The following SNX6 variants were observed in gnomAD, a reference collection of about 807,000 sequenced individuals.
SNX6 encodes the protein sorting nexin-6.
Under a neutral mutation model 63.0 loss-of-function variants are expected in SNX6, and 34 were observed. The ratio of observed to expected loss-of-function variants is 0.54; its 90% CI spans 0.41 to 0.72. SNX6 has a LOEUF of 0.72. Among genes scored for constraint, SNX6 ranks in the 30% least tolerant of loss-of-function variants. SNX6 has a pLI of 0.00. For missense variants in SNX6, 398 were observed against 471.4 expected, an observed-to-expected ratio of 0.84 and a Z score of 1.44; for synonymous variants, 170 against 164.2, an observed-to-expected ratio of 1.04 and a Z score of -0.27.
intron 4 of SNX6, among the ~76,000 whole-genome samples, chr14:34,607,398 G>T (rs559545396): frequency 6.0e-4 from 91 of 152,100 alleles, no homozygotes; most frequent in African/African-American, 2.1e-3. Flanking sequence ...CCTGAGGTCA[G>T]GAGTTCGAGA....
chr14:34,564,503 C>A (rs1881080930), intron 13 of SNX6, among the ~76,000 whole-genome samples: 1 of 150,054 alleles, frequency 6.7e-6, no homozygotes, highest in Admixed American at 6.6e-5. Flanking sequence ...AATCTAAATA[C>A]AGAGAACTCA....
At chr14:34,626,992 G>T (rs11620787) in intron 2 of SNX6, among the ~76,000 whole-genome samples, 1 of 151,846 alleles carries the variant, frequency 6.6e-6, no homozygotes, top group Non-Finnish European at 1.5e-5. Context: ...GCTAGTTTCC[G>T]CTATTTTAAA....
chr14:34,566,369 C>T (rs149246262), intron 13 of SNX6, among the ~76,000 whole-genome samples: 107 of 152,278 alleles, frequency 7.0e-4, no homozygotes, highest in African/African-American at 2.5e-3. Context: ...CCCACCACCA[C>T]GCCCAGCTAA....
In SNX6 at chr14:34,606,317, C is replaced by T. The variant is rs947659260; in HGVS notation, c.271-600G>A. Among the ~76,000 whole-genome samples the T allele has an allele frequency of 7.3e-5, 11 of 150,548 alleles. No individual in the cohort carries two copies. The South Asian group carries it at 8.4e-4, about 11-fold the overall frequency. The stretch of plus-strand genomic sequence containing the variant: ...TGTATTTTTGGTAGAGACGGGGTTT[C>T]GCCATGTTGGCCAGGCTGGTCTTGA... On this transcript the variant is annotated intron_variant, in intron 4 of 13. Transcript: ENST00000362031.
intron 5 of SNX6, chr14:34,604,395 A>G (rs1222499449): frequency 1.3e-6 from 1 of 775,732 alleles, no homozygotes; most frequent in Non-Finnish European, 1.7e-6. Context: ...GTCTGCTATC[A>G]GACCGCTGCT....
At chr14:34,576,593 C>A (rs947732059) in intron 10 of SNX6, among the ~76,000 whole-genome samples, 1 of 151,614 alleles carries the variant, frequency 6.6e-6, no homozygotes, top group Non-Finnish European at 1.5e-5. Context: ...GAATTACAGG[C>A]ATGCACTGCC....
chr14:34,576,780 T>C (rs1274415629), intron 10 of SNX6, among the ~76,000 whole-genome samples: 1 of 151,880 alleles, frequency 6.6e-6, no homozygotes, highest in Non-Finnish European at 1.5e-5. Flanking sequence ...TATGATCTTT[T>C]ACCTTCATTA....
At chr14:34,623,632 G>A (rs1566495380) in intron 2 of SNX6, among the ~76,000 whole-genome samples, 2 of 152,094 alleles carry the variant, frequency 1.3e-5, no homozygotes, top group Admixed American at 6.6e-5. Context: ...ATGAAAGATG[G>A]GATAAACAAC....
chr14:34,624,090 T>C (rs955668344), intron 2 of SNX6, among the ~76,000 whole-genome samples: 4 of 149,732 alleles, frequency 2.7e-5, no homozygotes, highest in Admixed American at 1.4e-4. Flanking sequence ...TTTTTAAATT[T>C]CTCACAAAAC....
At position 34,567,843 on chromosome 14, in the gene SNX6, C is replaced by T. The variant is rs10149570; in HGVS notation, c.1081+11G>A. 1,444 of 1,613,716 alleles carry T rather than the reference C, an allele frequency of 8.9e-4. 11 individuals carry two copies. The African/African-American group carries it at 0.017, about 19-fold the overall frequency. On this transcript the variant is annotated intron_variant, in intron 12 of 13. Coordinates refer to ENST00000362031, the MANE Select transcript of SNX6 (RefSeq NM_152233.4). ...AGCATATCTTGTGATTAAAGGTTAACGTAACAGTACCTTGTTTTGCAGACT... is the reference window on the plus strand; with the variant it reads ...AGCATATCTTGTGATTAAAGGTTAATGTAACAGTACCTTGTTTTGCAGACT...
chr14:34,565,354 G>A (rs148940914), intron 13 of SNX6, among the ~76,000 whole-genome samples: 3,168 of 151,954 alleles, frequency 0.021, 102 homozygotes, highest in African/African-American at 0.068. Flanking sequence ...TGGGATTACA[G>A]GCGTGAGCCA....
chr14:34,591,227 T>C (rs966692370), intron 8 of SNX6, among the ~76,000 whole-genome samples: 1 of 48,430 alleles, frequency 2.1e-5, no homozygotes, highest in African/African-American at 5.0e-5. Context: ...TCAACAAAGC[T>C]GTTAAAAAAA....
chr14:34,594,414 T>C (rs1274116224), intron 7 of SNX6, among the ~76,000 whole-genome samples: 2 of 152,004 alleles, frequency 1.3e-5, no homozygotes, highest in Non-Finnish European at 2.9e-5. Flanking sequence ...ACTGCAGTGG[T>C]GCAAACATGG....
At chr14:34,603,585 C>G in intron 5 of SNX6, 114 bp from the exon 6 acceptor site, 1 of 840,126 alleles carries the variant, frequency 1.2e-6, no homozygotes, top group Non-Finnish European at 1.7e-6. Flanking sequence ...ATCAGAGATA[C>G]AAAGATATAA....
Position 34,578,628 on chromosome 14 carries a change from C to CAAAA in SNX6, c.835-2790_835-2787dup, listed in dbSNP as rs146062484. 3.4e-4 allele frequency among the ~76,000 whole-genome samples: 44 copies of CAAAA among 129,108 alleles called. 2 individuals are homozygous for CAAAA. The highest frequency in any genetic ancestry group is 1.2e-3 in the African/African-American group (41 of 33,546). The allele number at this position is 129,108 out of a possible 152,430, so 84.7% of individuals were successfully genotyped here. The stretch of plus-strand genomic sequence containing the variant: ...CTGGGTGACAGAGTGAGATCTGTCT[C>CAAAA]AAAAAGAAAAAAAAAAAAAAAAAGT... On this transcript the variant is annotated intron_variant, in intron 10 of 13. Transcript: ENST00000362031.
At position 34,575,830 on chromosome 14, in the gene SNX6, G is replaced by T; in HGVS notation, c.847C>A (p.Arg283=). Residue 283 remains arginine, a synonymous_variant, in exon 11 of 14, where the codon CGA becomes AGA. Transcript: ENST00000362031. The stretch of plus-strand genomic sequence containing the variant: ...TTGAGGTCTTCATCAGCAGACACTC[G>T]TGCTTCTATTTTCTGAAAAGAAGGA... ...LFDKTRKIEA[R]VSADEDLKLS... is the part of the protein sequence containing the mutation. The T allele has an allele frequency of 1.3e-6, 2 of 1,579,188 alleles. No individual in the cohort carries two copies. The highest frequency in any genetic ancestry group is 1.7e-6 in the Non-Finnish European group (2 of 1,161,910).
Position 34,569,187 on chromosome 14 carries a change from A to G in SNX6, c.922-1174T>C. ...GGAAAGGGCTCAGTCCGTTTTTTTA[A>G]GTAACAGCTTGATAGTCCATGTACC... On this transcript the variant is annotated intron_variant, in intron 11 of 13. Coordinates refer to ENST00000362031, the MANE Select transcript of SNX6 (RefSeq NM_152233.4). 5 of 717,130 alleles carry G rather than the reference A, an allele frequency of 7.0e-6. No individual in the cohort carries two copies. The Admixed American group carries it at 7.7e-5, about 11-fold the overall frequency. The allele number at this position is 717,130 out of a possible 1,614,324, so 44.4% of individuals were successfully genotyped here.
chr14:34,580,774 TCAGCCTCCCAAGTA>T (rs1437365025), intron 10 of SNX6, among the ~76,000 whole-genome samples: 1 of 151,848 alleles, frequency 6.6e-6, no homozygotes, highest in Non-Finnish European at 1.5e-5. Flanking sequence ...TCCTCCTGCC[TCAGCCTCCCAAGTA>T]GGACTACAGG....
intron 13 of SNX6, among the ~76,000 whole-genome samples, 186 bp from the exon 14 acceptor site, chr14:34,563,361 A>C (rs1293255899): frequency 6.6e-6 from 1 of 152,096 alleles, no homozygotes; most frequent in East Asian, 1.9e-4. Context: ...GATCGAGACC[A>C]TCCTGGCTAA....
Sources: allele counts gnomAD v4.1 joint callset (sites outside exome capture counted in the v4.1 genomes callset), GRCh38; gene constraint gnomAD v4.1.1; transcripts MANE v1.5; gene names NCBI Gene and HGNC (gene_info 2026-07-23, HGNC 2026-07-21).